Variants in KLHL14 observed in about 807,000 individuals in gnomAD.
KLHL14 encodes kelch-like protein 14.
Under a neutral mutation model 64.3 loss-of-function variants are expected in KLHL14, and 22 were observed. The observed-to-expected ratio is 0.34, with a 90% CI of 0.24 to 0.49. The LOEUF (loss-of-function observed/expected upper bound fraction) is 0.49. Ranked by LOEUF, KLHL14 falls within the 20% of genes least tolerant of loss-of-function variation. The probability of loss-of-function intolerance (pLI) is 0.99; values close to 1 mark genes in which losing one functional copy is unlikely to be tolerated. For synonymous variants in KLHL14, 322 were observed against 333.4 expected (o/e 0.97, Z 0.37); for missense variants, 661 against 789.0 (o/e 0.84, Z 1.94).
intron 3 of KLHL14, among the ~76,000 whole-genome samples, chr18:32,724,041 A>G (rs2050092973): frequency 6.6e-6 from 1 of 152,228 alleles, no homozygotes; most frequent in Admixed American, 6.5e-5. Flanking sequence ...TTGGAAAAAA[A>G]ATATCATGTT....
chr18:32,734,342 G>C (rs2050152334), intron 3 of KLHL14: 1 of 672,042 alleles, frequency 1.5e-6, no homozygotes, highest in South Asian at 1.6e-5. Flanking sequence ...TGCATGTCAA[G>C]ATGGAGCCCC....
chr18:32,730,667 C>T (rs908677626), intron 3 of KLHL14, among the ~76,000 whole-genome samples: 4 of 152,120 alleles, frequency 2.6e-5, no homozygotes, highest in South Asian at 2.1e-4. Flanking sequence ...TGTGAAGTCA[C>T]GCTCTGATTA....
chr18:32,737,732 A>G (rs1032507237), intron 3 of KLHL14: 1 of 152,158 alleles, frequency 6.6e-6, no homozygotes, highest in African/African-American at 2.4e-5. Context: ...CAACCTAGGA[A>G]ACCACCACCC....
At chr18:32,745,071 C>T (rs1231011949) in intron 2 of KLHL14, 5 of 152,178 alleles carry the variant, frequency 3.3e-5, no homozygotes, top group Admixed American at 1.3e-4. Context: ...TCCTACTTAC[C>T]CTCAATGGCT....
chr18:32,750,020 A>G (rs764982554), intron 2 of KLHL14, among the ~76,000 whole-genome samples: 9 of 151,764 alleles, frequency 5.9e-5, no homozygotes, highest in Non-Finnish European at 7.4e-5. Context: ...CTGTTCTCAT[A>G]TGGTGAGGGG....
chr18:32,726,182 G>A (rs2050107275), intron 3 of KLHL14, among the ~76,000 whole-genome samples: 1 of 152,188 alleles, frequency 6.6e-6, no homozygotes, highest in South Asian at 2.1e-4. Context: ...ATTTACTTAG[G>A]TATAGTTTAT....
intron 3 of KLHL14, among the ~76,000 whole-genome samples, chr18:32,712,609 A>T (rs1027491724): frequency 6.6e-6 from 1 of 152,284 alleles, no homozygotes; most frequent in African/African-American, 2.4e-5. Flanking sequence ...GGTCACTTTT[A>T]AAAAAGACAT....
At chr18:32,684,733 A>T (rs891304270) in intron 5 of KLHL14, among the ~76,000 whole-genome samples, 1 of 152,222 alleles carries the variant, frequency 6.6e-6, no homozygotes, top group Non-Finnish European at 1.5e-5. Context: ...TACACAATGT[A>T]AAATTAACTA....
At chr18:32,768,774 A>G (rs1407963526) in intron 2 of KLHL14, among the ~76,000 whole-genome samples, 7 of 152,150 alleles carry the variant, frequency 4.6e-5, no homozygotes, top group Admixed American at 4.6e-4. Flanking sequence ...CTGAAATCCT[A>G]CTTGCAACAC....
intron 3 of KLHL14, among the ~76,000 whole-genome samples, chr18:32,722,136 C>G (rs949884211): frequency 1.3e-5 from 2 of 152,174 alleles, no homozygotes; most frequent in Non-Finnish European, 2.9e-5. Context: ...TTGCCTTCTA[C>G]CATGTTGTTA....
rs1236371775 is a variant in KLHL14 at position 32,683,983 on chromosome 18, C to T, written c.1238+3172G>A. Reference sequence around the variant, plus strand: ...ATTAAGTTCTTGTCTTTTATTTACTCTGTGAAATAGAGGCTTTGTTCTTAA... The same window carrying T: ...ATTAAGTTCTTGTCTTTTATTTACTTTGTGAAATAGAGGCTTTGTTCTTAA... On this transcript the variant is annotated intron_variant, in intron 5 of 8. Transcript: ENST00000359358. This position sits in a 1 kb window ranked among gnomAD's most constrained non-coding sequence, Gnocchi z 4.2. Among the ~76,000 whole-genome samples the T allele has an allele frequency of 2.0e-5, 3 of 152,124 alleles. No homozygotes were observed. Among genetic ancestry groups the T allele is most frequent in the African/African-American group, 7.2e-5 (3 of 41,438 alleles).
At chr18:32,766,878 T>C (rs1406111452) in intron 2 of KLHL14, among the ~76,000 whole-genome samples, 2 of 152,098 alleles carry the variant, frequency 1.3e-5, no homozygotes, top group Non-Finnish European at 2.9e-5. Flanking sequence ...ATCTTTAAAA[T>C]GCTTAAATTA....
chr18:32,687,890 T>C (rs1383743638), intron 4 of KLHL14, among the ~76,000 whole-genome samples: 1 of 152,140 alleles, frequency 6.6e-6, no homozygotes, highest in Non-Finnish European at 1.5e-5. Context: ...CTGGGAAAGT[T>C]AGTTTTGTCC....
chr18:32,680,163 A>G lies in KLHL14; in HGVS notation c.1588+6T>C, dbSNP rs764762238. On this transcript the variant is annotated splice_donor_region_variant and intron_variant, in intron 7 of 8. Transcript: ENST00000359358. This position sits in a 1 kb window ranked among gnomAD's most constrained non-coding sequence, Gnocchi z 4.8. ...TGACTAAAAAACAAAACAACAAAAAAAAGACCTTTCAAATGATTTCCTCCA... is the reference window on the plus strand; with the variant it reads ...TGACTAAAAAACAAAACAACAAAAAGAAGACCTTTCAAATGATTTCCTCCA... The G allele has an allele frequency of 1.2e-6, 2 of 1,612,648 alleles. No individual in the cohort carries two copies. The highest frequency in any genetic ancestry group is 1.7e-6 in the Non-Finnish European group (2 of 1,179,114).
intron 2 of KLHL14, among the ~76,000 whole-genome samples, chr18:32,760,339 TACACAC>T (rs60814600): frequency 2.7e-5 from 4 of 146,834 alleles, no homozygotes; most frequent in Admixed American, 6.9e-5. Flanking sequence ...CACACAGACA[TACACAC>T]ACACACACAC....
At chr18:32,698,136 G>T (rs546382109) in intron 3 of KLHL14, among the ~76,000 whole-genome samples, 1 of 152,106 alleles carries the variant, frequency 6.6e-6, no homozygotes, top group African/African-American at 2.4e-5. Context: ...CCAAAGAAAA[G>T]CAAAATAAAT....
chr18:32,680,610 A>T lies in KLHL14; in HGVS notation c.1239-11T>A. The T allele has an allele frequency of 6.3e-7, 1 of 1,594,230 alleles. No homozygotes were observed. Among genetic ancestry groups the T allele is most frequent in the South Asian group, 1.1e-5 (1 of 89,184 alleles). ...TAGAAACTGGCTCTTCTACAATGAA[A>T]AGAACCCACAGTAAATCACAAGAGG... On this transcript the variant is annotated splice_polypyrimidine_tract_variant and intron_variant, in intron 5 of 8. Coordinates refer to ENST00000359358, the MANE Select transcript of KLHL14 (RefSeq NM_020805.3). The surrounding 1 kb of genome is among the most constrained non-coding windows in gnomAD (Gnocchi z 4.8).
chr18:32,771,694 G>A (rs1432391236), intron 1 of KLHL14, among the ~76,000 whole-genome samples: 1 of 151,928 alleles, frequency 6.6e-6, no homozygotes, highest in Non-Finnish European at 1.5e-5. Flanking sequence ...TCGTGTGCAC[G>A]GTTTCCCCTC....
At chr18:32,751,257 G>A (rs2050250042) in intron 2 of KLHL14, among the ~76,000 whole-genome samples, 1 of 152,172 alleles carries the variant, frequency 6.6e-6, no homozygotes, top group South Asian at 2.1e-4. Context: ...TTCCAGCGAA[G>A]TAAACTCCTT....
Sources: gnomAD v4.1 joint callset for allele counts (sites outside exome capture counted in the v4.1 genomes callset) on GRCh38, gnomAD v4.1.1 for gene constraint, Gnocchi (gnomAD v3.1) non-coding constraint, MANE v1.5 for transcripts, NCBI Gene and HGNC (gene_info 2026-07-23, HGNC 2026-07-21) for gene names.